Variants in HS6ST3 observed in about 807,000 individuals in gnomAD.
The protein encoded by HS6ST3 is heparan sulfate 6-O-sulfotransferase 3, also known as heparan-sulfate 6-O-sulfotransferase 3.
In HS6ST3, 12 loss-of-function variants were observed where a neutral mutation model predicts 36.7. The ratio of observed to expected loss-of-function variants is 0.33; its 90% confidence interval spans 0.21 to 0.53. The LOEUF (loss-of-function observed/expected upper bound fraction) is 0.53. Among genes scored for constraint, HS6ST3 ranks in the 20% least tolerant of loss-of-function variants. The probability of loss-of-function intolerance (pLI) is 0.95; values close to 1 mark genes in which losing one functional copy is unlikely to be tolerated. For missense variants in HS6ST3, 584 were observed against 640.9 expected (o/e 0.91, Z 0.96); for synonymous variants, 240 against 257.5 (o/e 0.93, Z 0.65).
At chr13:96,614,229 C>T (rs181167735) in intron 1 of HS6ST3, among the ~76,000 whole-genome samples, 9 of 126,714 alleles carry the variant, frequency 7.1e-5, no homozygotes, top group East Asian at 5.6e-4. Context: ...ACCCGGGAGG[C>T]GGAGCTTGCA....
intron 1 of HS6ST3, among the ~76,000 whole-genome samples, chr13:96,159,639 G>A (rs1184432618): frequency 2.0e-5 from 3 of 152,174 alleles, no homozygotes; most frequent in Admixed American, 6.5e-5. Flanking sequence ...AGCAGTCATT[G>A]ACTAAATATA....
chr13:96,497,110 C>T (rs983595921), intron 1 of HS6ST3, among the ~76,000 whole-genome samples: 5 of 151,904 alleles, frequency 3.3e-5, no homozygotes, highest in South Asian at 4.2e-4. Context: ...TTTTGGGCAC[C>T]GGGGGAAGAT....
chr13:96,257,893 A>T (rs752936386), intron 1 of HS6ST3, among the ~76,000 whole-genome samples: 1 of 152,242 alleles, frequency 6.6e-6, no homozygotes, highest in Non-Finnish European at 1.5e-5. Context: ...CTGATATTTC[A>T]TTGGGTATAA....
chr13:96,217,728 A>G (rs1217918803), intron 1 of HS6ST3, among the ~76,000 whole-genome samples: 1 of 152,238 alleles, frequency 6.6e-6, no homozygotes, highest in Non-Finnish European at 1.5e-5. Flanking sequence ...TAACTGTTAT[A>G]CTGCAGAGAA....
chr13:96,498,899 A>T (rs1291346431), intron 1 of HS6ST3, among the ~76,000 whole-genome samples: 1 of 152,214 alleles, frequency 6.6e-6, no homozygotes, highest in Non-Finnish European at 1.5e-5. Context: ...GAAAAGACTG[A>T]GTCATCCAGG....
At position 96,480,560 on chromosome 13, in the gene HS6ST3, G is replaced by T. The variant is rs1417740315; in HGVS notation, c.708-351930G>T. On this transcript the variant is annotated intron_variant, in intron 1 of 1. Transcript: ENST00000376705. ...CAAACTCTAGGCTGCTGATTCATGA[G>T]ATGGGGAAGTTATGCATGTCCTAGT... Among the ~76,000 whole-genome samples the T allele has an allele frequency of 3.9e-5, 6 of 152,162 alleles. No homozygotes were observed. The East Asian group carries it at 1.2e-3, about 29-fold the overall frequency.
intron 1 of HS6ST3, among the ~76,000 whole-genome samples, chr13:96,307,156 T>C (rs865929129): frequency 1.3e-5 from 2 of 152,024 alleles, no homozygotes; most frequent in Non-Finnish European, 2.9e-5. Context: ...TAAGAAAGAG[T>C]AAGAAAGAGG....
chr13:96,293,603 C>G (rs1380201731), intron 1 of HS6ST3, among the ~76,000 whole-genome samples: 1 of 152,106 alleles, frequency 6.6e-6, no homozygotes, highest in Non-Finnish European at 1.5e-5. Context: ...TTCAGAATCA[C>G]TAGATTGTTG....
At chr13:96,226,829 C>A (rs1176830408) in intron 1 of HS6ST3, among the ~76,000 whole-genome samples, 1 of 152,062 alleles carries the variant, frequency 6.6e-6, no homozygotes, top group East Asian at 1.9e-4. Flanking sequence ...ATGAAAGAAT[C>A]TTTTGTCAAG....
chr13:96,521,358 G>A (rs903076437), intron 1 of HS6ST3, among the ~76,000 whole-genome samples: 39 of 152,140 alleles, frequency 2.6e-4, no homozygotes, highest in Non-Finnish European at 4.3e-4. Flanking sequence ...GATCATGCTG[G>A]CCTTATAAAA....
At chr13:96,803,573 T>C (rs1314689811) in intron 1 of HS6ST3, among the ~76,000 whole-genome samples, 1 of 152,184 alleles carries the variant, frequency 6.6e-6, no homozygotes, top group Non-Finnish European at 1.5e-5. Context: ...GTTTTTCTCT[T>C]TTAAGACCAA....
At chr13:96,255,839 C>T (rs1163019812) in intron 1 of HS6ST3, among the ~76,000 whole-genome samples, 1 of 152,158 alleles carries the variant, frequency 6.6e-6, no homozygotes, top group Non-Finnish European at 1.5e-5. Flanking sequence ...CACAATTTTA[C>T]AGATCTCTCC....
chr13:96,401,745 T>A (rs2055452479), intron 1 of HS6ST3, among the ~76,000 whole-genome samples: 1 of 152,014 alleles, frequency 6.6e-6, no homozygotes, highest in South Asian at 2.1e-4. Context: ...CAGCTAATTT[T>A]TATATCTTTC....
chr13:96,735,344 G>C (rs1876256982), intron 1 of HS6ST3, among the ~76,000 whole-genome samples: 1 of 152,208 alleles, frequency 6.6e-6, no homozygotes, highest in Non-Finnish European at 1.5e-5. Context: ...AAAGAATGAT[G>C]CATGTTCAGA....
At chr13:96,533,833 A>G (rs746213149) in intron 1 of HS6ST3, among the ~76,000 whole-genome samples, 1 of 152,172 alleles carries the variant, frequency 6.6e-6, no homozygotes, top group Non-Finnish European at 1.5e-5. Context: ...GGGCTTTAGC[A>G]TACTGCCCCA....
In HS6ST3 at chr13:96,440,027, T is replaced by C. The variant is rs2055662847; in HGVS notation, c.707+348458T>C. ...CTTATTTACTGATATGTTGATAGAG[T>C]GATATGCTCCATTTATACCAGTAAG... is the stretch of plus-strand genomic sequence containing the variant. On this transcript the variant is annotated intron_variant, in intron 1 of 1. Coordinates refer to ENST00000376705, the MANE Select transcript of HS6ST3 (RefSeq NM_153456.4). 2.0e-5 allele frequency among the ~76,000 whole-genome samples: 3 copies of C among 152,190 alleles called. 1 individual carries two copies. The highest frequency in any genetic ancestry group is 6.5e-5 in the Admixed American group (1 of 15,286).
intron 1 of HS6ST3, among the ~76,000 whole-genome samples, chr13:96,525,163 G>T (rs1169293006): frequency 2.0e-5 from 3 of 152,062 alleles, no homozygotes; most frequent in Non-Finnish European, 4.4e-5. Context: ...AAAATGTTTG[G>T]ATAAGAAATA....
intron 1 of HS6ST3, among the ~76,000 whole-genome samples, chr13:96,706,842 T>A (rs1419774000): frequency 3.3e-5 from 5 of 152,084 alleles, no homozygotes; most frequent in African/African-American, 1.2e-4. Context: ...TAGATAAGAT[T>A]CTTTCTCATT....
intron 1 of HS6ST3, among the ~76,000 whole-genome samples, chr13:96,451,285 A>C (rs1039608289): frequency 6.6e-6 from 1 of 152,056 alleles, no homozygotes; most frequent in Non-Finnish European, 1.5e-5. Context: ...TTTACCCTTA[A>C]AAAAAGCCAA....
Sources: gnomAD v4.1 joint callset for allele counts (sites outside exome capture counted in the v4.1 genomes callset) on GRCh38, gnomAD v4.1.1 for gene constraint, MANE v1.5 for transcripts, NCBI Gene and HGNC (gene_info 2026-07-23, HGNC 2026-07-21) for gene names.